SYNE1: variants seen among roughly 807,000 people sequenced by gnomAD.
The protein encoded by SYNE1 is nesprin-1.
SYNE1 carries 616 observed loss-of-function variants against 1,111.0 expected under a neutral mutation model. That is an observed-to-expected ratio of 0.55 (90% CI 0.52 to 0.59). The LOEUF is 0.59. SYNE1 is among the 20% of genes least tolerant of loss of function. The probability of loss-of-function intolerance (pLI) is 0.00; values close to 1 mark genes in which losing one functional copy is unlikely to be tolerated. For synonymous variants in SYNE1, 3,855 were observed against 3,825.8 expected, an observed-to-expected ratio of 1.01 and a Z score of -0.28; for missense variants, 10,006 against 10,417.0, an observed-to-expected ratio of 0.96 and a Z score of 1.72.
At chr6:152,577,230 A>G (rs945745340) in intron 3 of SYNE1, among the ~76,000 whole-genome samples, 1 of 152,228 alleles carries the variant, frequency 6.6e-6, no homozygotes, top group African/African-American at 2.4e-5. Flanking sequence ...CCTAGGGTGC[A>G]TGGTTTTAGG....
At chr6:152,125,178 T>C in intron 145 of SYNE1, 1 of 1,456,966 alleles carries the variant, frequency 6.9e-7, no homozygotes, top group Non-Finnish European at 9.2e-7. Flanking sequence ...CCAAAATCCC[T>C]GCCCACCGCA....
intron 118 of SYNE1, 83 bp from the exon 119 acceptor site, chr6:152,221,129 T>A: frequency 7.3e-7 from 1 of 1,377,600 alleles, no homozygotes; most frequent in Non-Finnish European, 1.0e-6. Flanking sequence ...TTCATGATCC[T>A]GGTTCATGTG....
At chr6:152,357,531 A>G (rs886563844) in intron 66 of SYNE1, among the ~76,000 whole-genome samples, 3 of 152,114 alleles carry the variant, frequency 2.0e-5, no homozygotes, top group Non-Finnish European at 2.9e-5. Flanking sequence ...TGTTTTGTAC[A>G]TGGTGGCCCC....
chr6:152,557,927 C>T (rs956765131), intron 3 of SYNE1, among the ~76,000 whole-genome samples: 1 of 152,078 alleles, frequency 6.6e-6, no homozygotes, highest in Non-Finnish European at 1.5e-5. Context: ...TATCCTAATA[C>T]TGTAATGGTG....
intron 6 of SYNE1, 98 bp from the exon 7 acceptor site, chr6:152,511,201 T>G: frequency 4.7e-6 from 5 of 1,055,730 alleles, no homozygotes; most frequent in Middle Eastern, 2.8e-4. Context: ...CAATAAGATT[T>G]GATCATGCCT....
intron 62 of SYNE1, among the ~76,000 whole-genome samples, chr6:152,365,328 A>G (rs553015456): frequency 1.3e-5 from 2 of 152,330 alleles, no homozygotes; most frequent in East Asian, 1.9e-4. Flanking sequence ...AGAATTCATG[A>G]TTTCTCAAAG....
intron 3 of SYNE1, among the ~76,000 whole-genome samples, chr6:152,570,390 T>C (rs1478584057): frequency 6.6e-6 from 1 of 152,212 alleles, no homozygotes; most frequent in Non-Finnish European, 1.5e-5. Flanking sequence ...GTATAATATT[T>C]AGATTCTCTC....
At chr6:152,212,432 T>C (rs942313314) in intron 123 of SYNE1, among the ~76,000 whole-genome samples, 3 of 152,220 alleles carry the variant, frequency 2.0e-5, no homozygotes, top group African/African-American at 7.2e-5. Flanking sequence ...CCAAGGTTCA[T>C]ACATGTTGCA....
chr6:152,551,135 G>C (rs571033768), intron 3 of SYNE1, among the ~76,000 whole-genome samples: 1 of 152,060 alleles, frequency 6.6e-6, no homozygotes, highest in Non-Finnish European at 1.5e-5. Flanking sequence ...GACAATGATC[G>C]GATAGTAAAG....
In SYNE1 at chr6:152,315,967, T is replaced by A. The variant is rs906577794; in HGVS notation, c.16710+882A>T. The A allele has an allele frequency of 1.6e-4, 24 of 152,286 alleles. No homozygotes were observed. The Middle Eastern group carries it at 0.014, about 86-fold the overall frequency. 9.4% of individuals were successfully genotyped at this position (152,286 alleles called of 1,614,324 possible). ...TTCATTTAAAGGCCACAAGGATACA[T>A]AAATAATATAAGAGACAAAAATCTA... On this transcript the variant is annotated intron_variant, in intron 87 of 145. Transcript: ENST00000367255.
At chr6:152,186,597 G>A (rs200839586) in intron 128 of SYNE1, among the ~76,000 whole-genome samples, 2,389 of 65,168 alleles carry the variant, frequency 0.037, 22 homozygotes, top group East Asian at 0.077. Flanking sequence ...AAAAAAAAAA[G>A]AAGAAGAAGA....
At chr6:152,362,944 G>C (rs771164987) in intron 63 of SYNE1, among the ~76,000 whole-genome samples, 1 of 151,184 alleles carries the variant, frequency 6.6e-6, no homozygotes, top group Non-Finnish European at 1.5e-5. Context: ...GCAGTGGCGC[G>C]ATCTCGGCTC....
intron 3 of SYNE1, among the ~76,000 whole-genome samples, chr6:152,560,735 T>C (rs1273356913): frequency 6.6e-6 from 1 of 152,176 alleles, no homozygotes; most frequent in Non-Finnish European, 1.5e-5. Context: ...ATGGGATTTA[T>C]ACCTGAGATT....
chr6:152,407,319 A>T, intron 44 of SYNE1, 123 bp from the exon 45 acceptor site: 1 of 943,662 alleles, frequency 1.1e-6, no homozygotes, highest in Admixed American at 2.0e-5. Flanking sequence ...AGTTCCACAA[A>T]AATTATTGTA....
chr6:152,365,486 G>A (rs1206038123), intron 62 of SYNE1, among the ~76,000 whole-genome samples: 1 of 152,128 alleles, frequency 6.6e-6, no homozygotes, highest in Non-Finnish European at 1.5e-5. Flanking sequence ...TAGAGACAGA[G>A]TCTATCTTTC....
At position 152,244,556 on chromosome 6, in the gene SYNE1, T is replaced by C; in HGVS notation, c.19673A>G (p.Gln6558Arg). 1 of 1,614,096 alleles carries C rather than the reference T, an allele frequency of 6.2e-7. No homozygotes were observed. Among genetic ancestry groups the C allele is most frequent in the Non-Finnish European group, 8.5e-7 (1 of 1,179,952 alleles). The part of the protein sequence containing the change: ...DKLQVEQPSM[Q>R]ELSKLQDMYD... Reference sequence around the variant, plus strand: ...CTGCACCTGGAGCTTGGAGAGTTCTTGCATGGACGGCTGCTCGACCTGTAG... The same window carrying C: ...CTGCACCTGGAGCTTGGAGAGTTCTCGCATGGACGGCTGCTCGACCTGTAG... Residue 6558 changes from glutamine (Q) to arginine (R), a missense_variant, in exon 106 of 146, where the codon CAA (glutamine) becomes CGA (arginine). Around this residue, in one of 7 missense-constraint regions of SYNE1, gnomAD observed 2,182 missense variants for 2,287.8 expected, o/e 0.95. Transcript: ENST00000367255.
At chr6:152,409,011 T>C in intron 44 of SYNE1, 57 bp downstream of exon 44, 1 of 1,560,000 alleles carries the variant, frequency 6.4e-7, no homozygotes, top group Admixed American at 1.7e-5. Context: ...GTCCAAAAAT[T>C]TGATTGGGGA....
intron 49 of SYNE1, among the ~76,000 whole-genome samples, chr6:152,397,272 C>G (rs1162840541): frequency 6.6e-6 from 1 of 152,194 alleles, no homozygotes; most frequent in Non-Finnish European, 1.5e-5. Flanking sequence ...CAACATGGTC[C>G]AGGTCCACCA....
At position 152,168,477 on chromosome 6, in the gene SYNE1, G is replaced by A. The variant is rs937498093; in HGVS notation, c.23628-4152C>T. 11 of 405,968 alleles carry A rather than the reference G, an allele frequency of 2.7e-5. No homozygotes were observed. The Admixed American group carries it at 3.7e-4, about 14-fold the overall frequency. The allele number at this position is 405,968 out of a possible 1,614,324, so 25.1% of individuals were successfully genotyped here. ...AAAAGCTCAGTGTAATCTGTAAGGA[G>A]GAGGAAGCTACAGGTCTAAAGAAAG... On this transcript the variant is annotated intron_variant, in intron 130 of 145. Transcript: ENST00000367255.
Sources: gnomAD v4.1 joint callset for allele counts (sites outside exome capture counted in the v4.1 genomes callset) on GRCh38, gnomAD v4.1.1 for gene constraint, gnomAD v4.1.1 regional missense constraint, MANE v1.5 for transcripts, NCBI Gene and HGNC (gene_info 2026-07-23, HGNC 2026-07-21) for gene names.